Variants in RGS9 observed in about 807,000 individuals in gnomAD.
RGS9 encodes regulator of G-protein signalling 9.
RGS9 carries 78 observed loss-of-function variants against 102.0 expected under a neutral mutation model. The ratio of observed to expected loss-of-function variants is 0.76; its 90% confidence interval spans 0.64 to 0.92. The LOEUF (loss-of-function observed/expected upper bound fraction) is 0.92, where lower values mean the gene tolerates loss of function less well. RGS9 is among the 40% of genes least tolerant of loss of function. The probability of loss-of-function intolerance (pLI) is 0.00; values close to 1 mark genes in which losing one functional copy is unlikely to be tolerated. For missense variants in RGS9, 833 were observed against 866.1 expected (o/e 0.96, Z 0.48); for synonymous variants, 353 against 318.6 (o/e 1.11, Z -1.15).
intron 9 of RGS9, among the ~76,000 whole-genome samples, chr17:65,182,883 C>G (rs1464382726): frequency 6.6e-6 from 1 of 152,208 alleles, no homozygotes; most frequent in Non-Finnish European, 1.5e-5. Flanking sequence ...CTCAGAATTC[C>G]TTACACTTTT....
intron 8 of RGS9, among the ~76,000 whole-genome samples, chr17:65,177,214 C>T (rs370693648): frequency 3.9e-4 from 59 of 151,396 alleles, no homozygotes; most frequent in Middle Eastern, 3.4e-3. Flanking sequence ...ACCCACCATC[C>T]ACCTACCACC....
intron 1 of RGS9, among the ~76,000 whole-genome samples, chr17:65,152,102 G>C (rs1014986273): frequency 2.0e-5 from 3 of 152,210 alleles, no homozygotes; most frequent in African/African-American, 7.2e-5. Context: ...GCCAAGGGTG[G>C]AGTTCAGGGT....
chr17:65,209,899 G>A (rs117196549), intron 16 of RGS9, among the ~76,000 whole-genome samples: 10,113 of 152,250 alleles, frequency 0.066, 445 homozygotes, highest in Middle Eastern at 0.13. Flanking sequence ...CCAACGTGGT[G>A]AAAGCCTGCC....
chr17:65,143,329 G>A (rs888025770), intron 1 of RGS9, among the ~76,000 whole-genome samples: 4 of 152,200 alleles, frequency 2.6e-5, no homozygotes, highest in African/African-American at 7.2e-5. Context: ...CCGGAGGCTG[G>A]AGACAGATGC....
intron 11 of RGS9, among the ~76,000 whole-genome samples, chr17:65,193,039 T>A (rs1257243000): frequency 3.3e-5 from 5 of 150,856 alleles, no homozygotes; most frequent in African/African-American, 1.2e-4. Flanking sequence ...CTGAGGTGGA[T>A]CGCTTGACCC....
intron 14 of RGS9, among the ~76,000 whole-genome samples, chr17:65,203,779 C>T (rs1912942613): frequency 6.6e-6 from 1 of 152,138 alleles, no homozygotes; most frequent in Admixed American, 6.5e-5. Flanking sequence ...ACCCCCAGAA[C>T]ACCTGTGTGA....
intron 15 of RGS9, among the ~76,000 whole-genome samples, chr17:65,205,496 C>T (rs1913018502): frequency 6.6e-6 from 1 of 151,664 alleles, no homozygotes; most frequent in African/African-American, 2.4e-5. Context: ...ATGAGATAGA[C>T]TATGTCATAC....
intron 9 of RGS9, among the ~76,000 whole-genome samples, chr17:65,180,754 A>C (rs1412323812): frequency 6.6e-6 from 1 of 152,200 alleles, no homozygotes; most frequent in Non-Finnish European, 1.5e-5. Flanking sequence ...CACTCAGGAA[A>C]TAAGCATAGT....
At chr17:65,145,040 G>A (rs1910299504) in intron 1 of RGS9, among the ~76,000 whole-genome samples, 1 of 152,062 alleles carries the variant, frequency 6.6e-6, no homozygotes, top group Non-Finnish European at 1.5e-5. Context: ...TAAAGACACT[G>A]GTCATAGGGG....
At chr17:65,220,689 G>T (rs908328814) in intron 17 of RGS9, among the ~76,000 whole-genome samples, 1 of 152,228 alleles carries the variant, frequency 6.6e-6, no homozygotes, top group African/African-American at 2.4e-5. Flanking sequence ...GGGAGTTCAG[G>T]TGGCCCCAAG....
intron 1 of RGS9, among the ~76,000 whole-genome samples, chr17:65,138,136 T>G (rs1326194007): frequency 6.6e-6 from 1 of 152,222 alleles, no homozygotes; most frequent in Non-Finnish European, 1.5e-5. Flanking sequence ...CCTTTTCGCT[T>G]CCCTTGCGAA....
intron 18 of RGS9, among the ~76,000 whole-genome samples, chr17:65,226,297 T>C (rs8078293): frequency 0.4 from 60,716 of 152,136 alleles, 17,395 homozygotes; most frequent in African/African-American, 0.81. Flanking sequence ...GTGTTTGGCC[T>C]CGTCTGGGCT....
At chr17:65,137,828 C>A (rs1909968062) in intron 1 of RGS9, among the ~76,000 whole-genome samples, 1 of 152,218 alleles carries the variant, frequency 6.6e-6, no homozygotes, top group African/African-American at 2.4e-5. Context: ...TGATGGTCTG[C>A]GGGAGGTGAA....
chr17:65,223,487 C>T (rs1488300328), intron 17 of RGS9, among the ~76,000 whole-genome samples: 3 of 152,230 alleles, frequency 2.0e-5, no homozygotes, highest in East Asian at 3.9e-4. Context: ...TTCTTGGGTG[C>T]GCCTGCCCTT....
intron 1 of RGS9, among the ~76,000 whole-genome samples, chr17:65,153,000 G>T (rs2143973698): frequency 6.6e-6 from 1 of 152,330 alleles, no homozygotes; most frequent in Admixed American, 6.5e-5. Flanking sequence ...TGCAGGGGTG[G>T]CTTTGAGGTC....
Position 65,204,277 on chromosome 17 carries a change from C to T in RGS9, c.1179C>T (p.Thr393=). 2 of 1,613,812 alleles carry T rather than the reference C, an allele frequency of 1.2e-6. No homozygotes were observed. The highest frequency in any genetic ancestry group is 1.1e-5 in the South Asian group (1 of 91,058). Residue 393 remains threonine, a synonymous_variant, in exon 15 of 19, where the codon ACC becomes ACT. Transcript: ENST00000262406. ...PHRYVLDAAQ[T]HIYMLMKKDS... ...GCTATGTGCTGGACGCCGCACAAAC[C>T]CACATTTACATGCTCATGAAGAAGG...
intron 1 of RGS9, among the ~76,000 whole-genome samples, chr17:65,152,368 G>T (rs1910611392): frequency 6.6e-6 from 1 of 152,200 alleles, no homozygotes. Context: ...TCCCGAACAT[G>T]TAGACCAGTA....
At position 65,160,633 on chromosome 17, in the gene RGS9, C is replaced by T. The variant is rs751980812; in HGVS notation, c.364+46C>T. The T allele has an allele frequency of 3.1e-6, 5 of 1,592,130 alleles. No individual in the cohort carries two copies. In the African/African-American group the frequency reaches 6.7e-5, roughly 21 times the overall value. ...TATGCCTTTGGTAGTGCTTAACATG[C>T]TGCTTATTTACTTGCTGCACTTTGG... On this transcript the variant is annotated intron_variant, in intron 5 of 18. Coordinates refer to ENST00000262406, the MANE Select transcript of RGS9 (RefSeq NM_003835.4).
chr17:65,213,685 C>T (rs1913389629), intron 17 of RGS9, among the ~76,000 whole-genome samples: 1 of 152,050 alleles, frequency 6.6e-6, no homozygotes, highest in African/African-American at 2.4e-5. Context: ...CAGGTTTGTG[C>T]TCCAGTTATC....
Sources: gnomAD v4.1 joint callset for allele counts (sites outside exome capture counted in the v4.1 genomes callset) on GRCh38, gnomAD v4.1.1 for gene constraint, MANE v1.5 for transcripts, NCBI Gene and HGNC (gene_info 2026-07-23, HGNC 2026-07-21) for gene names.